VWDE: variants seen among roughly 807,000 people sequenced by gnomAD.
VWDE encodes von Willebrand factor D and EGF domains.
Under a neutral mutation model 178.4 loss-of-function variants are expected in VWDE, and 207 were observed. The ratio of observed to expected loss-of-function variants is 1.16; its 90% CI spans 1.04 to 1.30. VWDE has a LOEUF of 1.30. Among genes scored for constraint, VWDE ranks in the 50% most tolerant of loss-of-function variants. VWDE has a pLI of 0.00. For missense variants in VWDE, 2,287 were observed against 1,901.3 expected, an observed-to-expected ratio of 1.20 and a Z score of -3.77; for synonymous variants, 738 against 651.4, an observed-to-expected ratio of 1.13 and a Z score of -2.02.
In VWDE at chr7:12,336,995, G is replaced by C. The variant is rs548337454; in HGVS notation, c.4551C>G (p.Cys1517Trp). ...TAAGAGTATTCCTCTTACGTGTGTTGCATCGTTTCCCACTCCAACCAGAAG... is the reference window on the plus strand; with the variant it reads ...TAAGAGTATTCCTCTTACGTGTGTTCCATCGTTTCCCACTCCAACCAGAAG... Reference protein sequence around the residue: ...SCPSGWSGKRCNTPICLQKCK... With the variant: ...SCPSGWSGKRWNTPICLQKCK... Residue 1517 changes from cysteine (C) to tryptophan (W), a missense_variant, in exon 26 of 29, where the codon TGC (cysteine) becomes TGG (tryptophan). By Grantham distance (215) the Cys-to-Trp change is radical. Transcript: ENST00000275358. 1 of 1,550,750 alleles carries C rather than the reference G, an allele frequency of 6.4e-7. No individual in the cohort carries two copies. Among genetic ancestry groups the C allele is most frequent in the East Asian group, 2.4e-5 (1 of 40,914 alleles).
At chr7:12,380,802 C>T (rs1054025559) in intron 4 of VWDE, 69 bp from the exon 5 acceptor site, 2 of 1,504,256 alleles carry the variant, frequency 1.3e-6, no homozygotes. Flanking sequence ...GGAAAAAGCA[C>T]TCAAAGACTA....
In VWDE at chr7:12,357,342, T is replaced by C; in HGVS notation, c.3448A>G (p.Thr1150Ala). Residue 1150 changes from threonine to alanine, a missense_variant, in exon 17 of 29, where the codon ACA (threonine) becomes GCA (alanine). Coordinates refer to ENST00000275358, the MANE Select transcript of VWDE (RefSeq NM_001135924.3). ...ATTTGTTGGGTAGTTAGTAAATCTG[T>C]TTTCCACATAAAAAGCCCTGCAGAG... ...VSSAGLFMWK[T>A]DLLTTQQITV... The C allele has an allele frequency of 1.3e-6, 2 of 1,552,070 alleles. No homozygotes were observed. Among genetic ancestry groups the C allele is most frequent in the Non-Finnish European group, 1.7e-6 (2 of 1,147,088 alleles).
At chr7:12,342,330 T>G (rs73294304) in intron 22 of VWDE, among the ~76,000 whole-genome samples, 176 bp from the exon 23 acceptor site, 2,614 of 152,308 alleles carry the variant, frequency 0.017, 66 homozygotes, top group African/African-American at 0.059. Context: ...CATATTCAGT[T>G]ATTTTATTTT....
At chr7:12,390,170 A>C (rs1784314018) in intron 2 of VWDE, among the ~76,000 whole-genome samples, 2 of 151,966 alleles carry the variant, frequency 1.3e-5, no homozygotes, top group South Asian at 4.1e-4. Context: ...ATCTCAAAAA[A>C]AAAAAAAAGA....
intron 4 of VWDE, among the ~76,000 whole-genome samples, chr7:12,382,985 GATTT>G (rs1299473710): frequency 1.3e-5 from 2 of 151,256 alleles, no homozygotes; most frequent in Admixed American, 6.6e-5. Context: ...TGTCTTTCAA[GATTT>G]ATTTGACATA....
Position 12,370,709 on chromosome 7 carries a change from C to A in VWDE, c.1743G>T (p.Gly581=). 1 of 1,551,118 alleles carries A rather than the reference C, an allele frequency of 6.4e-7. No individual in the cohort carries two copies. Among genetic ancestry groups the A allele is most frequent in the South Asian group, 1.2e-5 (1 of 84,056 alleles). Residue 581 remains glycine, a synonymous_variant, in exon 11 of 29, where the codon GGG becomes GGT. Coordinates refer to ENST00000275358, the MANE Select transcript of VWDE (RefSeq NM_001135924.3). ...TGTTAAAATTTTGATCAATTTGCAT[C>A]CCATTTTTGTCATGGAAATCATTTT... ...NPENDFHDKN[G]MQIDQNFNNY...
In VWDE at chr7:12,344,243, T is replaced by A. The variant is rs1781481731; in HGVS notation, c.4030A>T (p.Asn1344Tyr). The A allele has an allele frequency of 5.8e-6, 9 of 1,551,342 alleles. No individual in the cohort carries two copies. Among genetic ancestry groups the A allele is most frequent in the Non-Finnish European group, 7.8e-6 (9 of 1,146,708 alleles). The part of the protein sequence containing the change: ...CKNHGKCIKP[N>Y]ICQCLPGHGG... ...TGTCCTGGAAGACACTGACAAATGT[T>A]AGGCTTAATACATTTTCCATGGTTT... The change falls in exon 21 of 29, where the codon AAC (asparagine) becomes TAC (tyrosine). Residue 1344 changes from asparagine to tyrosine, a missense_variant. Coordinates refer to ENST00000275358, the MANE Select transcript of VWDE (RefSeq NM_001135924.3).
intron 9 of VWDE, 70 bp from the exon 10 acceptor site, chr7:12,373,317 C>A: frequency 6.9e-7 from 1 of 1,456,732 alleles, no homozygotes; most frequent in African/African-American, 1.4e-5. Context: ...TATTGATTTG[C>A]AACAGCTTTA....
chr7:12,392,798 A>C (rs1197865951), intron 2 of VWDE, among the ~76,000 whole-genome samples: 1 of 134,646 alleles, frequency 7.4e-6, no homozygotes, highest in Non-Finnish European at 1.6e-5. Flanking sequence ...CGTTACGTAA[A>C]GTTAAGTTGC....
At chr7:12,376,183 C>T (rs1207224484) in intron 7 of VWDE, among the ~76,000 whole-genome samples, 2 of 152,022 alleles carry the variant, frequency 1.3e-5, no homozygotes, top group African/African-American at 2.4e-5. Flanking sequence ...AAGGTGAATA[C>T]AGAATATTTC....
chr7:12,358,573 T>C (rs550616598), intron 16 of VWDE, among the ~76,000 whole-genome samples: 1 of 152,270 alleles, frequency 6.6e-6, no homozygotes, highest in African/African-American at 2.4e-5. Flanking sequence ...CACAAAGCAC[T>C]AATGCCCCGA....
chr7:12,367,782 A>G (rs868272357), intron 12 of VWDE, among the ~76,000 whole-genome samples: 32 of 152,132 alleles, frequency 2.1e-4, no homozygotes, highest in Middle Eastern at 3.2e-3. Context: ...AAATATTAAG[A>G]AATTACCACT....
chr7:12,369,600 T>C lies in VWDE; in HGVS notation c.2706A>G (p.Glu902=). The C allele has an allele frequency of 6.4e-7, 1 of 1,551,106 alleles. No individual in the cohort carries two copies. The highest frequency in any genetic ancestry group is 8.7e-7 in the Non-Finnish European group (1 of 1,146,560). The change falls in exon 12 of 29, where the codon GAA becomes GAG. Residue 902 remains glutamate, a synonymous_variant. Transcript: ENST00000275358. ...NLCSGNGQCM[E]WGCACSPSFS... ...AGCTTGGGGAACACGCACACCCCCATTCCATGCACTGCCCATTGCCGCTGC... is the reference window on the plus strand; with the variant it reads ...AGCTTGGGGAACACGCACACCCCCACTCCATGCACTGCCCATTGCCGCTGC...
chr7:12,399,949 G>C (rs1426368128), intron 1 of VWDE, among the ~76,000 whole-genome samples: 2 of 152,044 alleles, frequency 1.3e-5, no homozygotes. Flanking sequence ...CAAATATGTG[G>C]AAATTAAACA....
rs1583328594 is a variant in VWDE at position 12,377,873 on chromosome 7, G to A, written c.927C>T (p.Tyr309=). Residue 309 remains tyrosine, a synonymous_variant, in exon 7 of 29, where the codon TAC becomes TAT. Coordinates refer to ENST00000275358, the MANE Select transcript of VWDE (RefSeq NM_001135924.3). ...STISEDGKEY[Y]LRIESTVPII... is the part of the protein sequence containing the mutation. The stretch of plus-strand genomic sequence containing the variant: ...TAGGAACTGTGCTTTCTATCCTCAG[G>A]TAGTATTCTTTCCCATCCTCTGATA... The A allele has an allele frequency of 6.6e-7, 1 of 1,523,144 alleles. No individual in the cohort carries two copies. Among genetic ancestry groups the A allele is most frequent in the Non-Finnish European group, 8.8e-7 (1 of 1,134,004 alleles). 94.4% of individuals were successfully genotyped at this position (1,523,144 alleles called of 1,614,324 possible).
rs1783111942 is a variant in VWDE at position 12,370,339 on chromosome 7, A to G, written c.1967T>C (p.Val656Ala). The G allele has an allele frequency of 3.9e-6, 6 of 1,551,296 alleles. No individual in the cohort carries two copies. The East Asian group carries it at 1.5e-4, about 38-fold the overall frequency. ...TTCTGGTATCAAAGAAGATAAGCTG[A>G]CATGATTGAGGTCTTTGCAACCCAA... is the stretch of plus-strand genomic sequence containing the variant. ...IALGCKDLNH[V>A]SLSSLIPELD... Residue 656 changes from valine (V) to alanine (A), a missense_variant, in exon 12 of 29, where the codon GTC becomes GCC. Transcript: ENST00000275358.
At chr7:12,349,251 A>AAATAAATG (rs1781795896) in intron 19 of VWDE, among the ~76,000 whole-genome samples, 1 of 150,458 alleles carries the variant, frequency 6.6e-6, no homozygotes, top group Non-Finnish European at 1.5e-5. Context: ...ATAAATAAAT[A>AAATAAATG]AATAAATAAA....
chr7:12,383,466 GA>G, intron 4 of VWDE, 69 bp downstream of exon 4: 1 of 1,208,816 alleles, frequency 8.3e-7, no homozygotes, highest in South Asian at 1.3e-5. Flanking sequence ...CAAAGCTGCA[GA>G]ATATAATTAT....
Position 12,344,247 on chromosome 7 carries a change from C to G in VWDE, c.4026G>C (p.Lys1342Asn). 6.4e-7 allele frequency: 1 copy of G among 1,551,190 alleles called. No homozygotes were observed. The highest frequency in any genetic ancestry group is 8.7e-7 in the Non-Finnish European group (1 of 1,146,650). Residue 1342 changes from lysine to asparagine, a missense_variant, in exon 21 of 29, where the codon AAG becomes AAC. Lys to Asn is a moderately conservative substitution (Grantham distance 94). Coordinates refer to ENST00000275358, the MANE Select transcript of VWDE (RefSeq NM_001135924.3). ...CTGGAAGACACTGACAAATGTTAGG[C>G]TTAATACATTTTCCATGGTTTTTGC... ...PDCKNHGKCI[K>N]PNICQCLPGH...
Sources: gnomAD v4.1 joint callset for allele counts (sites outside exome capture counted in the v4.1 genomes callset) on GRCh38, gnomAD v4.1.1 for gene constraint, MANE v1.5 for transcripts, NCBI Gene and HGNC (gene_info 2026-07-23, HGNC 2026-07-21) for gene names.